The following EPB41L3 variants were observed in gnomAD, a reference collection of about 807,000 sequenced individuals.
EPB41L3 encodes erythrocyte membrane protein band 4.1 like 3.
A neutral mutation model predicts 127.1 loss-of-function variants in EPB41L3; 57 were observed. That is an observed-to-expected ratio of 0.45 (90% CI 0.36 to 0.56). The LOEUF (loss-of-function observed/expected upper bound fraction) is 0.56, where lower values mean the gene tolerates loss of function less well. Ranked by LOEUF, EPB41L3 falls within the 20% of genes least tolerant of loss-of-function variation. The probability of loss-of-function intolerance (pLI) is 0.00; values close to 1 mark genes in which losing one functional copy is unlikely to be tolerated. For synonymous variants in EPB41L3, 572 were observed against 549.5 expected (o/e 1.04, Z -0.57); for missense variants, 1,273 against 1,372.2 (o/e 0.93, Z 1.14).
At chr18:5,557,807 C>G (rs558731302) in intron 3 of EPB41L3, among the ~76,000 whole-genome samples, 40 of 152,140 alleles carry the variant, frequency 2.6e-4, no homozygotes, top group African/African-American at 9.2e-4. Flanking sequence ...TTGGAAGGAG[C>G]CAAAATGATT....
chr18:5,570,596 CTTTA>C (rs2094265269), intron 3 of EPB41L3, among the ~76,000 whole-genome samples: 1 of 151,724 alleles, frequency 6.6e-6, no homozygotes, highest in Non-Finnish European at 1.5e-5. Context: ...TTTTATTTTA[CTTTA>C]TTTAATTTTA....
chr18:5,599,898 C>A (rs1214432771), intron 3 of EPB41L3, among the ~76,000 whole-genome samples: 1 of 152,108 alleles, frequency 6.6e-6, no homozygotes, highest in Non-Finnish European at 1.5e-5. Flanking sequence ...CTTCTTGGAA[C>A]TCACGGGCAA....
chr18:5,429,194 T>C (rs1346831393), intron 8 of EPB41L3: 1 of 152,168 alleles, frequency 6.6e-6, no homozygotes, highest in Non-Finnish European at 1.5e-5. Context: ...TATATAAATA[T>C]AAATACTTTT....
In EPB41L3 at chr18:5,395,073, A is replaced by G. The variant is rs1802388; in HGVS notation, c.3147T>C (p.His1049=). The G allele has an allele frequency of 4.3e-6, 7 of 1,614,070 alleles. No individual in the cohort carries two copies. Among genetic ancestry groups the G allele is most frequent in the South Asian group, 1.1e-5 (1 of 91,080 alleles). ...ACCGTCTCACACACACTACCTGGTC[A>G]TGGTCAATGTCTGCATCCCCCGTGA... The part of the protein sequence containing the change: ...IVITGDADID[H]DQALAQAIKE... The change falls in exon 21 of 23, where the codon CAT becomes CAC. Residue 1049 remains histidine (H), a synonymous_variant. Transcript: ENST00000341928.
chr18:5,528,316 C>T (rs1453340921), intron 1 of EPB41L3, among the ~76,000 whole-genome samples: 1 of 152,060 alleles, frequency 6.6e-6, no homozygotes, highest in Admixed American at 6.6e-5. Context: ...GAACTACAGG[C>T]ACACACCACC....
At chr18:5,491,706 C>T (rs2090614640) in intron 1 of EPB41L3, among the ~76,000 whole-genome samples, 1 of 152,136 alleles carries the variant, frequency 6.6e-6, no homozygotes, top group Non-Finnish European at 1.5e-5. Flanking sequence ...TTTTCCAGCA[C>T]TATAGGCATA....
At chr18:5,554,798 ATG>A (rs1361718676) in intron 3 of EPB41L3, among the ~76,000 whole-genome samples, 2 of 37,556 alleles carry the variant, frequency 5.3e-5, no homozygotes, top group South Asian at 1.6e-3. Flanking sequence ...CTCTTTGCTC[ATG>A]TGTACAAACA....
chr18:5,399,842 T>C (rs2074204655), intron 16 of EPB41L3: 1 of 152,730 alleles, frequency 6.5e-6, no homozygotes, highest in Non-Finnish European at 1.5e-5. Flanking sequence ...TGTAAATATT[T>C]TCCATATTTG....
chr18:5,498,332 G>A (rs1325999300), intron 1 of EPB41L3, among the ~76,000 whole-genome samples: 4 of 151,994 alleles, frequency 2.6e-5, no homozygotes, highest in African/African-American at 2.4e-5. Flanking sequence ...CGTGGCTCAC[G>A]CCTGTAATTC....
intron 3 of EPB41L3, among the ~76,000 whole-genome samples, chr18:5,449,840 TTTC>T (rs1409297902): frequency 1.4e-4 from 21 of 152,232 alleles, no homozygotes; most frequent in Non-Finnish European, 2.9e-4. Context: ...ACATATTCTG[TTTC>T]TTCCTATACA....
chr18:5,469,844 G>T (rs925995139), intron 3 of EPB41L3, among the ~76,000 whole-genome samples: 3 of 151,072 alleles, frequency 2.0e-5, no homozygotes, highest in Non-Finnish European at 4.4e-5. Context: ...CGCAATCTTG[G>T]CTCACTGCAA....
intron 18 of EPB41L3, among the ~76,000 whole-genome samples, 153 bp downstream of exon 18, chr18:5,396,905 C>T (rs1339791360): frequency 1.3e-5 from 2 of 152,042 alleles, no homozygotes; most frequent in East Asian, 1.9e-4. Context: ...GAGACTCCTA[C>T]TAGGTATGAA....
intron 1 of EPB41L3, among the ~76,000 whole-genome samples, chr18:5,510,611 T>A (rs1309724631): frequency 1.3e-5 from 2 of 152,202 alleles, no homozygotes; most frequent in Admixed American, 6.5e-5. Flanking sequence ...GGACTATCAG[T>A]TCCATTCCAG....
At chr18:5,542,394 T>C (rs1186251195) in intron 1 of EPB41L3, among the ~76,000 whole-genome samples, 1 of 152,208 alleles carries the variant, frequency 6.6e-6, no homozygotes, top group Non-Finnish European at 1.5e-5. Flanking sequence ...TCCTGTACTA[T>C]AGAAGTTAAT....
intron 3 of EPB41L3, among the ~76,000 whole-genome samples, chr18:5,601,360 C>A (rs189239736): frequency 6.6e-6 from 1 of 152,300 alleles, no homozygotes; most frequent in South Asian, 2.1e-4. Context: ...GTTGCCTCCC[C>A]CTGTGCTATC....
rs562411140 is a variant in EPB41L3 at position 5,452,185 on chromosome 18, G to C, written c.382-6941C>G. 2.6e-5 allele frequency among the ~76,000 whole-genome samples: 4 copies of C among 152,188 alleles called. No individual in the cohort carries two copies. In the South Asian group the frequency reaches 8.3e-4, roughly 32 times the overall value. ...AAATATACCCAGGTAATGCATGCTGGTATGCTGGTATGGCTGAACAGTCAC... is the reference window on the plus strand; with the variant it reads ...AAATATACCCAGGTAATGCATGCTGCTATGCTGGTATGGCTGAACAGTCAC... On this transcript the variant is annotated intron_variant, in intron 3 of 22. Transcript: ENST00000341928.
intron 1 of EPB41L3, among the ~76,000 whole-genome samples, chr18:5,531,540 T>C (rs934307661): frequency 5.3e-5 from 8 of 151,926 alleles, no homozygotes; most frequent in Non-Finnish European, 1.2e-4. Flanking sequence ...CTGGCCAACA[T>C]GGTAAAACCC....
In EPB41L3 at chr18:5,416,159, T is replaced by G; in HGVS notation, c.1726A>C (p.Arg576=). The part of the protein sequence containing the change: ...LGDQDVAFSY[R]QQTGKGTTLF... ...GTGGTCCCCTTGCCAGTTTGCTGTC[T>G]GTAGCTAAAAGCCACATCTTGATCC... Residue 576 remains arginine (R), a synonymous_variant, in exon 13 of 23, where the codon AGA becomes CGA. Coordinates refer to ENST00000341928, the MANE Select transcript of EPB41L3 (RefSeq NM_012307.5). 6.2e-7 allele frequency: 1 copy of G among 1,614,070 alleles called. No individual in the cohort carries two copies. Among genetic ancestry groups the G allele is most frequent in the Non-Finnish European group, 8.5e-7 (1 of 1,179,966 alleles).
intron 3 of EPB41L3, among the ~76,000 whole-genome samples, chr18:5,459,170 T>C (rs1274797643): frequency 6.6e-6 from 1 of 152,176 alleles, no homozygotes; most frequent in Admixed American, 6.5e-5. Flanking sequence ...TGGTAGAGCA[T>C]GCCTTTAGTC....
Sources: gnomAD v4.1 joint callset for allele counts (sites outside exome capture counted in the v4.1 genomes callset) on GRCh38, gnomAD v4.1.1 for gene constraint, MANE v1.5 for transcripts, NCBI Gene and HGNC (gene_info 2026-07-23, HGNC 2026-07-21) for gene names.